ARNT: variants seen among roughly 807,000 people sequenced by gnomAD.
The protein encoded by ARNT is class E basic helix-loop-helix protein 2.
A neutral mutation model predicts 105.0 loss-of-function variants in ARNT; 30 were observed. That is an observed-to-expected ratio of 0.29 (90% CI 0.21 to 0.39). The LOEUF is 0.39. ARNT is among the 10% of genes least tolerant of loss of function. The pLI, the probability that ARNT is intolerant of heterozygous loss-of-function variation, is 1.00. For missense variants in ARNT, 748 were observed against 978.7 expected (o/e 0.76, Z 3.15); for synonymous variants, 304 against 344.0 (o/e 0.88, Z 1.29).
chr1:150,827,674 C>T (rs1658551407), intron 12 of ARNT, among the ~76,000 whole-genome samples: 1 of 152,068 alleles, frequency 6.6e-6, no homozygotes, highest in Non-Finnish European at 1.5e-5. Context: ...TTTCATTTCT[C>T]TTAGGTAGAT....
Position 150,836,486 on chromosome 1 carries a change from T to G in ARNT, c.494A>C (p.Lys165Thr). The G allele has an allele frequency of 6.2e-7, 1 of 1,613,744 alleles. No individual in the cohort carries two copies. Among genetic ancestry groups the G allele is most frequent in the Non-Finnish European group, 8.5e-7 (1 of 1,179,850 alleles). Residue 165 changes from lysine to threonine, a missense_variant, in exon 7 of 22, where the codon AAA (lysine) becomes ACA (threonine). Around this residue, in one of 4 missense-constraint regions of ARNT, gnomAD observed 291 missense variants for 444.6 expected, o/e 0.65. Coordinates refer to ENST00000358595, the MANE Select transcript of ARNT (RefSeq NM_001668.4). ...KPSFLTDQEL[K>T]HLILEAADGF... ...ATCTGCTGCCTCCAAGATCAAATGTTTCAGTTCCTGCGCAAGAAAAAGAAA... is the reference window on the plus strand; with the variant it reads ...ATCTGCTGCCTCCAAGATCAAATGTGTCAGTTCCTGCGCAAGAAAAAGAAA...
chr1:150,836,474 A>C lies in ARNT; in HGVS notation c.506T>G (p.Leu169Trp). ...AAACAGAAAGCCATCTGCTGCCTCC[A>C]AGATCAAATGTTTCAGTTCCTGCGC... ...LTDQELKHLI[L>W]EAADGFLFIV... Residue 169 changes from leucine to tryptophan, a missense_variant, in exon 7 of 22, where the codon TTG becomes TGG. By Grantham distance (61) the Leu-to-Trp change is moderately conservative (BLOSUM62 -2). Coordinates refer to ENST00000358595, the MANE Select transcript of ARNT (RefSeq NM_001668.4). 1 of 1,614,078 alleles carries C rather than the reference A, an allele frequency of 6.2e-7. No homozygotes were observed. The highest frequency in any genetic ancestry group is 8.5e-7 in the Non-Finnish European group (1 of 1,179,986).
chr1:150,815,200 T>A (rs1655566509), intron 19 of ARNT, among the ~76,000 whole-genome samples: 1 of 152,066 alleles, frequency 6.6e-6, no homozygotes, highest in Non-Finnish European at 1.5e-5. Flanking sequence ...TATTAAAGAA[T>A]CTTTCTTTAG....
At chr1:150,816,997 T>C (rs1656021722) in intron 17 of ARNT, 85 bp downstream of exon 17, 2 of 1,605,450 alleles carry the variant, frequency 1.2e-6, no homozygotes, top group Non-Finnish European at 1.7e-6. Flanking sequence ...GGAAAAACAC[T>C]GGAAGATTAC....
At position 150,826,124 on chromosome 1, in the gene ARNT, A is replaced by G. The variant is rs587759523; in HGVS notation, c.1242+419T>C. 1.8e-4 allele frequency among the ~76,000 whole-genome samples: 27 copies of G among 152,258 alleles called. No individual in the cohort carries two copies. The South Asian group carries it at 5.6e-3, about 32-fold the overall frequency. ...GACATGGGGTTTCACTGTGTTGGCC[A>G]GGCTGGGCTTGAACTCCTGGCCTCA... On this transcript the variant is annotated intron_variant, in intron 13 of 21. Coordinates refer to ENST00000358595, the MANE Select transcript of ARNT (RefSeq NM_001668.4).
chr1:150,855,567 A>T (rs190554511), intron 2 of ARNT, among the ~76,000 whole-genome samples: 21 of 151,974 alleles, frequency 1.4e-4, no homozygotes, highest in East Asian at 3.9e-4. Context: ...GTCTCAAAAA[A>T]AAATAAATAA....
rs767144943 is a variant in ARNT at position 150,817,174 on chromosome 1, G to A, written c.1607C>T (p.Pro536Leu). 6.2e-7 allele frequency: 1 copy of A among 1,614,132 alleles called. No individual in the cohort carries two copies. Among genetic ancestry groups the A allele is most frequent in the East Asian group, 2.2e-5 (1 of 44,886 alleles). ...QVVQPVTTTG[P>L]EHSKPLEKSD... Reference sequence around the variant, plus strand: ...CTTCTCAAGGGGCTTGCTGTGTTCTGGTCCTGTGGTTGTCACAGGCTGAAC... The same window carrying A: ...CTTCTCAAGGGGCTTGCTGTGTTCTAGTCCTGTGGTTGTCACAGGCTGAAC... Residue 536 changes from proline (P) to leucine (L), a missense_variant, in exon 17 of 22, where the codon CCA becomes CTA. Pro to Leu is a moderately conservative substitution (Grantham distance 98). Transcript: ENST00000358595.
intron 1 of ARNT, among the ~76,000 whole-genome samples, chr1:150,869,833 A>G (rs1667176714): frequency 1.3e-5 from 2 of 151,894 alleles, no homozygotes; most frequent in South Asian, 4.2e-4. Flanking sequence ...GATTACAGGT[A>G]TGAGCCACCA....
In ARNT at chr1:150,811,870, G is replaced by T; in HGVS notation, c.*151C>A. 1 of 455,470 alleles carries T rather than the reference G, an allele frequency of 2.2e-6. No individual in the cohort carries two copies. 28.2% of individuals were successfully genotyped at this position (455,470 alleles called of 1,614,324 possible). On this transcript the variant is annotated 3_prime_UTR_variant, in exon 22 of 22. Coordinates refer to ENST00000358595, the MANE Select transcript of ARNT (RefSeq NM_001668.4). ...AATGTTACCTTAGAGAGGCAACAGA[G>T]CAGGGGAACAGCCAGAAGGGAAAGG...
chr1:150,858,982 T>C (rs1457230573), intron 1 of ARNT, among the ~76,000 whole-genome samples: 3 of 151,902 alleles, frequency 2.0e-5, no homozygotes, highest in South Asian at 2.1e-4. Context: ...CCCCATGTCA[T>C]AGAGTTTGGA....
intron 1 of ARNT, among the ~76,000 whole-genome samples, chr1:150,872,325 T>C (rs1667585115): frequency 6.6e-6 from 1 of 152,100 alleles, no homozygotes; most frequent in Non-Finnish European, 1.5e-5. Context: ...AAAAGGTAAA[T>C]AAAGGTAACA....
intron 13 of ARNT, among the ~76,000 whole-genome samples, chr1:150,823,787 T>C (rs1255545259): frequency 6.8e-6 from 1 of 147,988 alleles, no homozygotes; most frequent in South Asian, 2.2e-4. Flanking sequence ...CCTGACCTTG[T>C]GATCCGCCCG....
chr1:150,868,910 T>C (rs587642770), intron 1 of ARNT, among the ~76,000 whole-genome samples: 1 of 139,632 alleles, frequency 7.2e-6, no homozygotes, highest in Admixed American at 7.1e-5. Flanking sequence ...AAAATAATAA[T>C]AAAATTTAAA....
intron 12 of ARNT, among the ~76,000 whole-genome samples, chr1:150,827,651 T>C (rs1222382264): frequency 6.6e-6 from 1 of 152,240 alleles, no homozygotes; most frequent in South Asian, 2.1e-4. Context: ...TACAAATCTA[T>C]GGGTGAACAT....
At chr1:150,830,090 G>T in intron 10 of ARNT, 110 bp from the exon 11 acceptor site, 1 of 1,226,260 alleles carries the variant, frequency 8.2e-7, no homozygotes, top group Non-Finnish European at 1.2e-6. Context: ...CAGGCACCGT[G>T]GCTGACGCCT....
rs762158765 is a variant in ARNT at position 150,829,966 on chromosome 1, C to G, written c.970G>C (p.Asp324His). 6.2e-7 allele frequency: 1 copy of G among 1,614,220 alleles called. No individual in the cohort carries two copies. The highest frequency in any genetic ancestry group is 1.1e-5 in the South Asian group (1 of 91,082). ...CCCTGGCCAGCCTCTGGGTCATCAT[C>G]TGGGAGGGAAACACCTTCAGAAACG... ...AWPPAGVSLP[D>H]DDPEAGQGSK... The change falls in exon 11 of 22, where the codon GAT becomes CAT. Residue 324 changes from aspartate (D) to histidine (H), a missense_variant. Coordinates refer to ENST00000358595, the MANE Select transcript of ARNT (RefSeq NM_001668.4).
intron 4 of ARNT, 135 bp downstream of exon 4, chr1:150,846,128 C>G (rs1662158414): frequency 2.9e-6 from 2 of 683,086 alleles, no homozygotes; most frequent in South Asian, 2.3e-5. Flanking sequence ...GTTTCACATA[C>G]TTCCAAATAG....
At chr1:150,814,280 TTAAC>T (rs763208829) in intron 19 of ARNT, 41 bp from the exon 20 acceptor site, 3 of 1,593,914 alleles carry the variant, frequency 1.9e-6, no homozygotes. Flanking sequence ...AAATACAGCA[TTAAC>T]ATCATTGCAC....
chr1:150,854,994 C>T (rs370486380), intron 2 of ARNT, among the ~76,000 whole-genome samples: 1 of 151,884 alleles, frequency 6.6e-6, no homozygotes, highest in Non-Finnish European at 1.5e-5. Flanking sequence ...AAAAGTCTCG[C>T]CATTTTCCCC....
Sources: allele counts gnomAD v4.1 joint callset (sites outside exome capture counted in the v4.1 genomes callset), GRCh38; gene constraint gnomAD v4.1.1; regional missense constraint gnomAD v4.1.1; transcripts MANE v1.5; gene names NCBI Gene and HGNC (gene_info 2026-07-23, HGNC 2026-07-21).